The following KCNIP4 variants were observed in gnomAD, a reference collection of about 807,000 sequenced individuals.
KCNIP4 encodes potassium voltage-gated channel interacting protein 4.
A neutral mutation model predicts 34.0 loss-of-function variants in KCNIP4; 12 were observed. The observed-to-expected ratio is 0.35, with a 90% confidence interval of 0.23 to 0.57. The LOEUF (loss-of-function observed/expected upper bound fraction) is 0.57, where lower values mean the gene tolerates loss of function less well. Among genes scored for constraint, KCNIP4 ranks in the 20% least tolerant of loss-of-function variants. KCNIP4 has a pLI of 0.83. For synonymous variants in KCNIP4, 124 were observed against 102.2 expected (o/e 1.21, Z -1.29); for missense variants, 238 against 311.7 (o/e 0.76, Z 1.78).
chr4:21,863,863 G>A (rs559638031), intron 1 of KCNIP4, among the ~76,000 whole-genome samples: 3 of 152,230 alleles, frequency 2.0e-5, no homozygotes, highest in African/African-American at 7.2e-5. Context: ...CAAAATAAAG[G>A]ATTATCTATT....
At chr4:21,505,535 T>C (rs1304543748) in intron 1 of KCNIP4, among the ~76,000 whole-genome samples, 1 of 152,224 alleles carries the variant, frequency 6.6e-6, no homozygotes, top group Non-Finnish European at 1.5e-5. Context: ...CTGGCTTCCC[T>C]CTCTTTTCTG....
chr4:21,325,048 C>T (rs1714895826), intron 1 of KCNIP4, among the ~76,000 whole-genome samples: 1 of 151,600 alleles, frequency 6.6e-6, no homozygotes, highest in African/African-American at 2.4e-5. Context: ...ATTTATTTTT[C>T]AGATTGCTCA....
At chr4:21,640,962 T>C (rs1442908944) in intron 1 of KCNIP4, among the ~76,000 whole-genome samples, 1 of 152,216 alleles carries the variant, frequency 6.6e-6, no homozygotes, top group Non-Finnish European at 1.5e-5. Flanking sequence ...TCTCTGCAGA[T>C]AACTACTTTC....
intron 1 of KCNIP4, among the ~76,000 whole-genome samples, chr4:21,569,501 G>A (rs71607083): frequency 3.3e-5 from 5 of 151,894 alleles, no homozygotes; most frequent in African/African-American, 1.2e-4. Context: ...GAAAAACTGA[G>A]AAAGGGCTTC....
rs532907693 is a variant in KCNIP4, at chr4:21,409,720, A to T, written c.62-527011T>A. On this transcript the variant is annotated intron_variant, in intron 1 of 8. Transcript: ENST00000382152. Reference sequence around the variant, plus strand: ...CATCGTTAGGAAAAAAGGGGTCGATAAAATTGTGCTGAACTGAATATAATA... The same window carrying T: ...CATCGTTAGGAAAAAAGGGGTCGATTAAATTGTGCTGAACTGAATATAATA... 2.6e-5 allele frequency among the ~76,000 whole-genome samples: 4 copies of T among 152,332 alleles called. No homozygotes were observed. In the East Asian group the frequency reaches 7.7e-4, roughly 29 times the overall value.
intron 1 of KCNIP4, among the ~76,000 whole-genome samples, chr4:21,550,552 A>G (rs937601220): frequency 6.6e-6 from 1 of 152,030 alleles, no homozygotes; most frequent in African/African-American, 2.4e-5. Context: ...TTTCTATTAC[A>G]GTTTCTCCTC....
At position 21,456,138 on chromosome 4, in the gene KCNIP4, A is replaced by G. The variant is rs202168398; in HGVS notation, c.61+492433T>C. ...CTTCTATGTCTTCTCTGGGCAAAGCATTTGCTGAGCACTTGATATGGTATT... is the reference window on the plus strand; with the variant it reads ...CTTCTATGTCTTCTCTGGGCAAAGCGTTTGCTGAGCACTTGATATGGTATT... On this transcript the variant is annotated intron_variant, in intron 1 of 8. Transcript: ENST00000382152. 1.2e-4 allele frequency among the ~76,000 whole-genome samples: 17 copies of G among 147,008 alleles called. 2 individuals are homozygous for G. The East Asian group carries it at 3.4e-3, about 29-fold the overall frequency.
chr4:21,605,823 T>C (rs1400000246), intron 1 of KCNIP4, among the ~76,000 whole-genome samples: 2 of 152,158 alleles, frequency 1.3e-5, no homozygotes, highest in African/African-American at 2.4e-5. Context: ...AGTTTTCACA[T>C]GTAAACAAAG....
chr4:21,655,569 A>G (rs1747854900), intron 1 of KCNIP4, among the ~76,000 whole-genome samples: 1 of 152,190 alleles, frequency 6.6e-6, no homozygotes, highest in South Asian at 2.1e-4. Flanking sequence ...CTCTTATTTA[A>G]TCTCCTTTCA....
rs397992488 is a variant in KCNIP4 at position 20,937,222 on chromosome 4, C to CTTTTTTTTTTTTTTTTTTT, written c.62-54532_62-54514dup. ...TGAGCAAAAGGTGCCCCCAAGGAGTCTTTTTTTTTTTTTTTTTTTTTTTTT... is the reference window on the plus strand; with the variant it reads ...TGAGCAAAAGGTGCCCCCAAGGAGTCTTTTTTTTTTTTTTTTTTTTTTTTTTTTTTTTTTTTTTTTTTTT... On this transcript the variant is annotated intron_variant, in intron 1 of 8. Transcript: ENST00000382152. Among the ~76,000 whole-genome samples, 14 of 45,530 alleles carry CTTTTTTTTTTTTTTTTTTT rather than the reference C, an allele frequency of 3.1e-4. 3 individuals are homozygous for CTTTTTTTTTTTTTTTTTTT. Among genetic ancestry groups the CTTTTTTTTTTTTTTTTTTT allele is most frequent in the Non-Finnish European group, 5.5e-4 (13 of 23,516 alleles). The allele number at this position is 45,530 out of a possible 152,430, so 29.9% of individuals were successfully genotyped here.
rs115719595 is a variant in KCNIP4 at position 21,679,042 on chromosome 4, G to A, written c.61+269529C>T. Among the ~76,000 whole-genome samples, 401 of 152,246 alleles carry A rather than the reference G, an allele frequency of 2.6e-3. 1 individual carries two copies. The highest frequency in any genetic ancestry group is 7.7e-3 in the African/African-American group (320 of 41,556). Reference sequence around the variant, plus strand: ...AGATGGCATGAAGACATAGTGACAAGGTGGCCATCTGCAAGCCAAGGAGAA... The same window carrying A: ...AGATGGCATGAAGACATAGTGACAAAGTGGCCATCTGCAAGCCAAGGAGAA... On this transcript the variant is annotated intron_variant, in intron 1 of 8. Coordinates refer to ENST00000382152, the MANE Select transcript of KCNIP4 (RefSeq NM_025221.6).
intron 3 of KCNIP4, among the ~76,000 whole-genome samples, chr4:20,798,076 G>C (rs74668570): frequency 6.6e-6 from 1 of 152,086 alleles, no homozygotes; most frequent in Admixed American, 6.5e-5. Flanking sequence ...TAATTCATTT[G>C]TTCATCTCTA....
chr4:20,897,472 G>T (rs763248718), intron 1 of KCNIP4, among the ~76,000 whole-genome samples: 7 of 151,950 alleles, frequency 4.6e-5, no homozygotes, highest in Non-Finnish European at 1.0e-4. Flanking sequence ...TACCCCATAG[G>T]TTGGCTAATG....
intron 1 of KCNIP4, among the ~76,000 whole-genome samples, chr4:21,415,370 T>C (rs996943239): frequency 6.6e-6 from 1 of 152,028 alleles, no homozygotes; most frequent in Non-Finnish European, 1.5e-5. Flanking sequence ...GCTTTAGAGA[T>C]CTGTTGTACA....
chr4:21,027,239 A>C (rs1394608169), intron 1 of KCNIP4, among the ~76,000 whole-genome samples: 1 of 152,164 alleles, frequency 6.6e-6, no homozygotes, highest in Non-Finnish European at 1.5e-5. Flanking sequence ...TGTCATTGTA[A>C]ATAAAGTTTT....
intron 1 of KCNIP4, among the ~76,000 whole-genome samples, chr4:21,300,867 G>T (rs990139132): frequency 5.9e-5 from 9 of 152,192 alleles, no homozygotes; most frequent in African/African-American, 2.2e-4. Flanking sequence ...TTGAAGTTTT[G>T]AAATTGAAAG....
At position 20,835,688 on chromosome 4, in the gene KCNIP4, T is replaced by A. The variant is rs185873248; in HGVS notation, c.288+14855A>T. On this transcript the variant is annotated intron_variant, in intron 3 of 8. Transcript: ENST00000382152. ...CCTCTTAGCTCTATAAAATTATGTA[T>A]CCAACCACTAGAATTTATCAAACTT... is the stretch of plus-strand genomic sequence containing the variant. 3.4e-3 allele frequency among the ~76,000 whole-genome samples: 510 copies of A among 152,234 alleles called. 1 individual carries two copies. Among genetic ancestry groups the A allele is most frequent in the Admixed American group, 5.6e-3 (86 of 15,278 alleles).
intron 1 of KCNIP4, among the ~76,000 whole-genome samples, chr4:21,360,104 C>G (rs752316587): frequency 6.6e-6 from 1 of 152,046 alleles, no homozygotes; most frequent in Non-Finnish European, 1.5e-5. Context: ...AAAATTTAAA[C>G]TGTTGTTTCA....
chr4:21,604,613 C>A (rs992744277), intron 1 of KCNIP4, among the ~76,000 whole-genome samples: 1 of 152,026 alleles, frequency 6.6e-6, no homozygotes, highest in Admixed American at 6.6e-5. Context: ...TGAAAAATAA[C>A]CCTCATTAAT....
Sources: allele counts gnomAD v4.1 joint callset (sites outside exome capture counted in the v4.1 genomes callset), GRCh38; gene constraint gnomAD v4.1.1; transcripts MANE v1.5; gene names NCBI Gene and HGNC (gene_info 2026-07-23, HGNC 2026-07-21).